The following CD2AP variants were observed in gnomAD, a reference collection of about 807,000 sequenced individuals.
CD2AP encodes the protein CD2-associated protein.
Under a neutral mutation model 85.1 loss-of-function variants are expected in CD2AP, and 46 were observed. The observed-to-expected ratio is 0.54, with a 90% CI of 0.43 to 0.69. CD2AP has a LOEUF of 0.69. CD2AP is among the 30% of genes least tolerant of loss of function. The pLI, the probability that CD2AP is intolerant of heterozygous loss-of-function variation, is 0.00. For missense variants in CD2AP, 769 were observed against 729.5 expected, an observed-to-expected ratio of 1.05 and a Z score of -0.62; for synonymous variants, 255 against 252.9, an observed-to-expected ratio of 1.01 and a Z score of -0.08.
At chr6:47,609,531 A>AAAAAAAG (rs56878067) in intron 16 of CD2AP, 1 of 287,068 alleles carries the variant, frequency 3.5e-6, no homozygotes, top group African/African-American at 2.6e-5. Context: ...AAAAAAAAAA[A>AAAAAAAG]GAAAAGAAAA....
chr6:47,624,863 A>G lies in CD2AP; in HGVS notation c.*636A>G, dbSNP rs907478366. The G allele has an allele frequency of 3.9e-5, 6 of 151,946 alleles. No homozygotes were observed. The highest frequency in any genetic ancestry group is 3.9e-4 in the Admixed American group (6 of 15,244). The allele number at this position is 151,946 out of a possible 1,614,324, so 9.4% of individuals were successfully genotyped here. A position where few individuals can be genotyped will look rare whatever the true frequency, so the allele number is the denominator to read the frequency against. The stretch of plus-strand genomic sequence containing the variant: ...TAAACCAGATTACTCACCCATGCAT[A>G]TAGTAAGAACTAATGAATAATCAAA... On this transcript the variant is annotated 3_prime_UTR_variant, in exon 18 of 18. Transcript: ENST00000359314.
chr6:47,497,836 A>G (rs909282606), intron 1 of CD2AP, among the ~76,000 whole-genome samples: 2 of 152,224 alleles, frequency 1.3e-5, no homozygotes, highest in African/African-American at 2.4e-5. Flanking sequence ...GATAGCATAC[A>G]GTTTTACAGT....
At chr6:47,498,759 A>T (rs1765930598) in intron 1 of CD2AP, among the ~76,000 whole-genome samples, 1 of 152,142 alleles carries the variant, frequency 6.6e-6, no homozygotes, top group African/African-American at 2.4e-5. Flanking sequence ...GAGGATATAC[A>T]TTTGTGTGTG....
At chr6:47,579,289 C>T (rs1377217604) in intron 8 of CD2AP, 96 bp from the exon 9 acceptor site, 27 of 737,694 alleles carry the variant, frequency 3.7e-5, no homozygotes, top group East Asian at 2.8e-4. Flanking sequence ...GAGTCATGAT[C>T]GCATCACTGC....
At chr6:47,616,312 T>A (rs946180794) in intron 17 of CD2AP, among the ~76,000 whole-genome samples, 41 of 151,876 alleles carry the variant, frequency 2.7e-4, no homozygotes, top group Non-Finnish European at 5.7e-4. Context: ...CAGGCTGGTC[T>A]CAAACTCCTG....
At chr6:47,623,814 CTGT>C (rs1769825337) in intron 17 of CD2AP, among the ~76,000 whole-genome samples, 1 of 152,162 alleles carries the variant, frequency 6.6e-6, no homozygotes, top group Admixed American at 6.5e-5. Flanking sequence ...ATTCTTTTTA[CTGT>C]TGTTTATGTA....
chr6:47,484,270 C>A (rs1765513296), intron 1 of CD2AP, among the ~76,000 whole-genome samples: 1 of 151,998 alleles, frequency 6.6e-6, no homozygotes, highest in South Asian at 2.1e-4. Flanking sequence ...GAATCATAAC[C>A]TTGGTTTTAA....
chr6:47,599,352 A>T lies in CD2AP; in HGVS notation c.1326A>T (p.Val442=). 6.2e-7 allele frequency: 1 copy of T among 1,611,816 alleles called. No individual in the cohort carries two copies. The change falls in exon 13 of 18, where the codon GTA becomes GTT. Residue 442 remains valine (V), a synonymous_variant. Transcript: ENST00000359314. ...SISSKFETEP[V]SKLKLDSEQL... is the part of the protein sequence containing the mutation. ...CATCAAAATTTGAAACTGAGCCAGT[A>T]TCAAAACTAAAGCTAGATTCTGAAC...
chr6:47,578,492 G>C (rs1768372289), intron 8 of CD2AP, among the ~76,000 whole-genome samples: 1 of 152,168 alleles, frequency 6.6e-6, no homozygotes, highest in African/African-American at 2.4e-5. Context: ...GGATTACAAA[G>C]CATGAACCAC....
At position 47,501,665 on chromosome 6, in the gene CD2AP, G is replaced by GGT. The variant is rs140480387; in HGVS notation, c.5-1598_5-1597dup. Among the ~76,000 whole-genome samples, 864 of 150,468 alleles carry GGT rather than the reference G, an allele frequency of 5.7e-3. 3 individuals carry two copies. Among genetic ancestry groups the GGT allele is most frequent in the African/African-American group, 0.016 (647 of 41,044 alleles). ...GGTTGTGATTGTTGTTGTGGTTGTT[G>GGT]GTGTGTGTGTGTGTGTGTATTTTCT... On this transcript the variant is annotated intron_variant, in intron 1 of 17. Transcript: ENST00000359314.
chr6:47,580,545 G>C (rs1257338384), intron 9 of CD2AP, among the ~76,000 whole-genome samples: 1 of 152,000 alleles, frequency 6.6e-6, no homozygotes, highest in African/African-American at 2.4e-5. Flanking sequence ...GGGTAAAATG[G>C]TACTTAGGAA....
chr6:47,598,876 C>T (rs1769025765), intron 12 of CD2AP, among the ~76,000 whole-genome samples: 1 of 149,914 alleles, frequency 6.7e-6, no homozygotes. Flanking sequence ...TAACCAAATG[C>T]CACCTGTTTC....
At chr6:47,517,266 T>C (rs7749271) in intron 2 of CD2AP, among the ~76,000 whole-genome samples, 39,983 of 151,556 alleles carry the variant, frequency 0.26, 5,435 homozygotes, top group African/African-American at 0.31. Context: ...CTTGCAGAAC[T>C]GTGAGCCAAT....
chr6:47,536,218 T>A (rs553744205), intron 3 of CD2AP, among the ~76,000 whole-genome samples: 1 of 151,274 alleles, frequency 6.6e-6, no homozygotes, highest in Admixed American at 6.7e-5. Flanking sequence ...TTATGTTTAT[T>A]AAACTTGATT....
intron 5 of CD2AP, among the ~76,000 whole-genome samples, chr6:47,558,045 C>T (rs1005027437): frequency 6.6e-6 from 1 of 152,086 alleles, no homozygotes. Context: ...CCTTCACATC[C>T]CTTGTAAGTT....
intron 13 of CD2AP, among the ~76,000 whole-genome samples, chr6:47,602,589 T>TTTTTTTTTTTTTTTTTGAG: frequency 6.6e-6 from 1 of 152,112 alleles, no homozygotes; most frequent in African/African-American, 2.4e-5. Flanking sequence ...TTTCTATGAT[T>TTTTTTTTTTTTTTTTTGAG]AAAAGGCAAT....
intron 13 of CD2AP, 64 bp downstream of exon 13, chr6:47,599,507 A>C: frequency 7.2e-7 from 1 of 1,397,394 alleles, no homozygotes; most frequent in Non-Finnish European, 1.0e-6. Flanking sequence ...ACTCTTTAAG[A>C]GATATATTTA....
chr6:47,530,282 A>T (rs1766838291), intron 2 of CD2AP, among the ~76,000 whole-genome samples: 1 of 152,234 alleles, frequency 6.6e-6, no homozygotes, highest in Non-Finnish European at 1.5e-5. Flanking sequence ...AAACAATTGT[A>T]TACAACCGTG....
chr6:47,516,319 A>T (rs1053420667), intron 2 of CD2AP, among the ~76,000 whole-genome samples: 1 of 152,208 alleles, frequency 6.6e-6, no homozygotes, highest in Non-Finnish European at 1.5e-5. Flanking sequence ...ATTTTTGAGG[A>T]CAGAGCAACA....
Sources: allele counts gnomAD v4.1 joint callset (sites outside exome capture counted in the v4.1 genomes callset), GRCh38; gene constraint gnomAD v4.1.1; transcripts MANE v1.5; gene names NCBI Gene and HGNC (gene_info 2026-07-23, HGNC 2026-07-21).